Variants in ATP1B4 observed in about 807,000 individuals in gnomAD.
ATP1B4 encodes protein ATP1B4.
Under a neutral mutation model 29.6 loss-of-function variants are expected in ATP1B4, and 32 were observed. That is an observed-to-expected ratio of 1.08 (90% CI 0.82 to 1.45). The LOEUF (loss-of-function observed/expected upper bound fraction) is 1.45. Among genes scored for constraint, ATP1B4 ranks in the 40% most tolerant of loss-of-function variants. The pLI, the probability that ATP1B4 is intolerant of heterozygous loss-of-function variation, is 0.00. For synonymous variants in ATP1B4, 127 were observed against 102.1 expected (o/e 1.24, Z -1.47); for missense variants, 323 against 276.2 (o/e 1.17, Z -1.20).
chrX:120,362,426 A>C (rs1437457374), intron 1 of ATP1B4, among the ~76,000 whole-genome samples, 195 bp downstream of exon 1: 1 of 111,542 alleles, frequency 9.0e-6, no homozygotes, highest in African/African-American at 3.3e-5. Context: ...ACTGCTGGAT[A>C]AAAGGAGGAA....
intron 1 of ATP1B4, 107 bp downstream of exon 1, chrX:120,362,338 G>C (rs1015662785): frequency 1.2e-5 from 9 of 764,566 alleles, no homozygotes; most frequent in African/African-American, 8.3e-5. Context: ...TCTTTGAGAC[G>C]GGCAGAAACA....
rs927237731 is a variant in ATP1B4 at position 120,379,845 on chromosome X, G to A, written c.*211G>A. 3 of 338,708 alleles carry A rather than the reference G, an allele frequency of 8.9e-6. No individual in the cohort carries two copies. Among genetic ancestry groups the A allele is most frequent in the Non-Finnish European group, 1.5e-5 (3 of 200,222 alleles). 27.9% of individuals were successfully genotyped at this position (338,708 alleles called of 1,213,427 possible). ...GTAGTGTCTCCTGATGACAAACAGA[G>A]TATATTAATTTCCTTTCCCTCCACT... is the stretch of plus-strand genomic sequence containing the variant. On this transcript the variant is annotated 3_prime_UTR_variant, in exon 8 of 8. Transcript: ENST00000218008.
At chrX:120,367,116 CTCA>C (rs1200681715) in intron 2 of ATP1B4, among the ~76,000 whole-genome samples, 4 of 112,326 alleles carry the variant, frequency 3.6e-5, no homozygotes, top group African/African-American at 1.3e-4. Flanking sequence ...TGACCGTGGA[CTCA>C]TCATTTCCCC....
Position 120,366,659 on chromosome X carries a change from G to T in ATP1B4, c.198G>T (p.Glu66Asp). 8.3e-7 allele frequency: 1 copy of T among 1,210,471 alleles called. No homozygotes were observed. Among genetic ancestry groups the T allele is most frequent in the Non-Finnish European group, 1.1e-6 (1 of 894,803 alleles). The change falls in exon 2 of 8, where the codon GAG becomes GAT. Residue 66 changes from glutamate (E) to aspartate (D), a missense_variant. By Grantham distance (45) the Glu-to-Asp change is conservative (BLOSUM62 2). Transcript: ENST00000218008. Reference sequence around the variant, plus strand: ...AGGAGAAAGAAGAGGAGGAAGAGGAGGAAAAGGAGGAGGAAGAGGGTCAAG... The same window carrying T: ...AGGAGAAAGAAGAGGAGGAAGAGGATGAAAAGGAGGAGGAAGAGGGTCAAG... Reference protein sequence around the residue: ...EEEEKEEEEEEEKEEEEGQGQ... With the variant: ...EEEEKEEEEEDEKEEEEGQGQ...
At chrX:120,363,040 TA>T (rs1456211152) in intron 1 of ATP1B4, among the ~76,000 whole-genome samples, 4 of 112,677 alleles carry the variant, frequency 3.5e-5, no homozygotes, top group Non-Finnish European at 7.5e-5. Flanking sequence ...TATTTGCATT[TA>T]TTTTGCTATA....
intron 4 of ATP1B4, among the ~76,000 whole-genome samples, chrX:120,373,430 A>C (rs1050717958): frequency 1.8e-5 from 2 of 112,359 alleles, no homozygotes; most frequent in Non-Finnish European, 3.8e-5. Flanking sequence ...TGTGGGTTTG[A>C]TATTATTAGA....
At position 120,366,707 on chromosome X, in the gene ATP1B4, G is replaced by C; in HGVS notation, c.246G>C (p.Trp82Cys). 1 of 1,211,637 alleles carries C rather than the reference G, an allele frequency of 8.3e-7. No individual in the cohort carries two copies. Among genetic ancestry groups the C allele is most frequent in the Non-Finnish European group, 1.1e-6 (1 of 895,332 alleles). Reference protein sequence around the residue: ...EGQGQPTGNAWWQKLQIMSEY... With the variant: ...EGQGQPTGNACWQKLQIMSEY... Reference sequence around the variant, plus strand: ...AAGGTCAGCCAACAGGCAATGCCTGGTGGCAGAAATTGCAGATCATGAGTG... The same window carrying C: ...AAGGTCAGCCAACAGGCAATGCCTGCTGGCAGAAATTGCAGATCATGAGTG... The change falls in exon 2 of 8, where the codon TGG becomes TGC. Residue 82 changes from tryptophan to cysteine, a missense_variant. Physicochemically the swap from Trp to Cys is radical, Grantham distance 215. Coordinates refer to ENST00000218008, the MANE Select transcript of ATP1B4 (RefSeq NM_001142447.3).
At position 120,371,151 on chromosome X, in the gene ATP1B4, A is replaced by G. The variant is rs1283581094; in HGVS notation, c.503A>G (p.Asn168Ser). Residue 168 changes from asparagine to serine, a missense_variant, in exon 4 of 8, where the codon AAC becomes AGC. Transcript: ENST00000218008. ...GCCCATAGCCTTAACTTCAACTTCA[A>G]CGTTTCTGAACCCGACACTTGGCAG... ...PFAHSLNFNF[N>S]VSEPDTWQHY... 1.7e-6 allele frequency: 2 copies of G among 1,211,107 alleles called. No homozygotes were observed. Among genetic ancestry groups the G allele is most frequent in the Non-Finnish European group, 2.2e-6 (2 of 895,153 alleles).
chrX:120,371,955 A>G (rs1317127724), intron 4 of ATP1B4, among the ~76,000 whole-genome samples: 2 of 112,642 alleles, frequency 1.8e-5, no homozygotes. Context: ...GGCATGAGCC[A>G]CCGCGCCCAG....
rs2231243 is a variant in ATP1B4 at position 120,371,269 on chromosome X, A to G, written c.562+59A>G. 5,009 of 923,259 alleles carry G rather than the reference A, an allele frequency of 5.4e-3. 154 individuals are homozygous for G. In the African/African-American group the frequency reaches 0.083, roughly 15 times the overall value. 76.1% of individuals were successfully genotyped at this position (923,259 alleles called of 1,213,427 possible). A position where few individuals can be genotyped will look rare whatever the true frequency, so the allele number is the denominator to read the frequency against. On this transcript the variant is annotated intron_variant, in intron 4 of 7. Coordinates refer to ENST00000218008, the MANE Select transcript of ATP1B4 (RefSeq NM_001142447.3). Reference sequence around the variant, plus strand: ...TTTGAAAGGTGATGGGTGGGAATCCAAAATTCAAAATTCACCTGGCCCAGG... The same window carrying G: ...TTTGAAAGGTGATGGGTGGGAATCCGAAATTCAAAATTCACCTGGCCCAGG...
chrX:120,377,491 C>T (rs1213391324), intron 6 of ATP1B4, among the ~76,000 whole-genome samples: 2 of 111,677 alleles, frequency 1.8e-5, no homozygotes, highest in Non-Finnish European at 3.8e-5. Flanking sequence ...ATTCCTCAGG[C>T]CTTCATGAAA....
At chrX:120,379,381 C>T (rs2058371580) in intron 7 of ATP1B4, 92 bp from the exon 8 acceptor site, 2 of 889,361 alleles carry the variant, frequency 2.2e-6, no homozygotes, top group Non-Finnish European at 3.1e-6. Flanking sequence ...ACTCAGTTCT[C>T]TTTGTGAGGG....
intron 2 of ATP1B4, among the ~76,000 whole-genome samples, chrX:120,367,581 C>T (rs902541908): frequency 8.1e-5 from 9 of 111,404 alleles, no homozygotes; most frequent in African/African-American, 2.9e-4. Context: ...TCACACTTGC[C>T]ACAGTCTCTG....
chrX:120,369,507 C>A (rs1223142985), intron 2 of ATP1B4, among the ~76,000 whole-genome samples: 2 of 111,919 alleles, frequency 1.8e-5, no homozygotes, highest in Non-Finnish European at 3.8e-5. Context: ...GTGGTTTGTT[C>A]CAGTTTCTGG....
In ATP1B4 at chrX:120,375,413, C is replaced by A; in HGVS notation, c.604C>A (p.Pro202Thr). Residue 202 changes from proline (P) to threonine (T), a missense_variant, in exon 5 of 8, where the codon CCC becomes ACC. Coordinates refer to ENST00000218008, the MANE Select transcript of ATP1B4 (RefSeq NM_001142447.3). ...SLQEEMNVDC[P>T]PGQYFIQDGN... is the part of the protein sequence containing the mutation. ...TCAAGAGGAAATGAATGTAGATTGT[C>A]CCCCGGGGCAGTACTTCATCCAAGA... is the stretch of plus-strand genomic sequence containing the variant. The A allele has an allele frequency of 3.3e-6, 4 of 1,208,030 alleles. No homozygotes were observed. Among genetic ancestry groups the A allele is most frequent in the South Asian group, 1.8e-5 (1 of 56,551 alleles).
rs769428933 is a variant in ATP1B4, at chrX:120,366,546, C to A, written c.85C>A (p.Gln29Lys). ...CCAGGATGATCCGGATGAAGCGAAC[C>A]AGAACTACTTAGCAGATGAAGAGGA... Reference protein sequence around the residue: ...YRLDDPDEANQNYLADEEEEA... With the variant: ...YRLDDPDEANKNYLADEEEEA... Residue 29 changes from glutamine to lysine, a missense_variant, in exon 2 of 8, where the codon CAG (glutamine) becomes AAG (lysine). Coordinates refer to ENST00000218008, the MANE Select transcript of ATP1B4 (RefSeq NM_001142447.3). 8 of 1,208,518 alleles carry A rather than the reference C, an allele frequency of 6.6e-6. No homozygotes were observed. Among genetic ancestry groups the A allele is most frequent in the Non-Finnish European group, 7.8e-6 (7 of 893,606 alleles).
In ATP1B4 at chrX:120,366,602, G is replaced by C. The variant is rs761180567; in HGVS notation, c.141G>C (p.Val47=). 8.0e-5 allele frequency: 96 copies of C among 1,200,616 alleles called. No homozygotes were observed. Among genetic ancestry groups the C allele is most frequent in the Non-Finnish European group, 1.1e-4 (94 of 887,667 alleles). ...CAGAAGAAGAGGCTCGGGTGACGGT[G>C]GTGCCCAAATCGGAGGAGGAGGAAG... The part of the protein sequence containing the change: ...EEAEEEARVT[V]VPKSEEEEEE... The change falls in exon 2 of 8, where the codon GTG becomes GTC. Residue 47 remains valine (V), a synonymous_variant. Transcript: ENST00000218008.
In ATP1B4 at chrX:120,376,994, A is replaced by G. The variant is rs193128592; in HGVS notation, c.816+558A>G. On this transcript the variant is annotated intron_variant, in intron 6 of 7. Coordinates refer to ENST00000218008, the MANE Select transcript of ATP1B4 (RefSeq NM_001142447.3). Reference sequence around the variant, plus strand: ...ATTAACTTCTATCTCATCTGCACCAATTAGCTCCCTTGTAGGAAAAAGCCC... The same window carrying G: ...ATTAACTTCTATCTCATCTGCACCAGTTAGCTCCCTTGTAGGAAAAAGCCC... 1.5e-3 allele frequency among the ~76,000 whole-genome samples: 168 copies of G among 112,031 alleles called. 1 individual carries two copies. The highest frequency in any genetic ancestry group is 5.3e-3 in the African/African-American group (164 of 30,868).
chrX:120,371,050 C>CA (rs1290668574), intron 3 of ATP1B4, 56 bp from the exon 4 acceptor site: 2 of 1,108,380 alleles, frequency 1.8e-6, no homozygotes, highest in Non-Finnish European at 2.5e-6. Flanking sequence ...GGAATCAATA[C>CA]AAAAAAATTA....
Sources: gnomAD v4.1 joint callset for allele counts (sites outside exome capture counted in the v4.1 genomes callset) on GRCh38, gnomAD v4.1.1 for gene constraint, MANE v1.5 for transcripts, NCBI Gene and HGNC (gene_info 2026-07-23, HGNC 2026-07-21) for gene names.